The following TOP6BL variants were observed in gnomAD, a reference collection of about 807,000 sequenced individuals.
The protein encoded by TOP6BL is type 2 DNA topoisomerase 6 subunit B-like.
At chr11:66,770,290 G>C in the TOP6BL span, among the ~76,000 whole-genome samples, 3 of 152,166 alleles carry the variant, frequency 2.0e-5, no homozygotes, top group Non-Finnish European at 2.9e-5. Context: ...ATGGTCTCTT[G>C]TTATGGCGGC....
chr11:66,761,365 T>G, the TOP6BL span, among the ~76,000 whole-genome samples: 1 of 150,550 alleles, frequency 6.6e-6, no homozygotes, highest in Non-Finnish European at 1.5e-5. Flanking sequence ...AGCGAGAGAC[T>G]CCGTCTCAAA....
At chr11:66,796,076 C>T in the TOP6BL span, 7 of 495,806 alleles carry the variant, frequency 1.4e-5, no homozygotes, top group Non-Finnish European at 2.5e-5. Context: ...TCTGAAGTTC[C>T]GTGTAATAGA....
the TOP6BL span, among the ~76,000 whole-genome samples, chr11:66,795,057 C>G: frequency 6.6e-6 from 1 of 151,678 alleles, no homozygotes; most frequent in East Asian, 1.9e-4. Flanking sequence ...TCGCTTGAAC[C>G]CGGGAGGCAG....
At chr11:66,826,897 G>C in the TOP6BL span, among the ~76,000 whole-genome samples, 4 of 150,156 alleles carry the variant, frequency 2.7e-5, no homozygotes, top group African/African-American at 9.8e-5. Context: ...TGGTCAGGCT[G>C]GTCTCAAACT....
the TOP6BL span, chr11:66,839,319 A>C: frequency 1.2e-5 from 5 of 402,114 alleles, no homozygotes; most frequent in African/African-American, 8.3e-5. Context: ...ATTGAGGCCC[A>C]CAGATATCAA....
chr11:66,791,524 GAGAC>G, the TOP6BL span, among the ~76,000 whole-genome samples: 4 of 152,096 alleles, frequency 2.6e-5, no homozygotes, highest in South Asian at 2.1e-4. Flanking sequence ...GCAAGAGAGA[GAGAC>G]AGACTTTCTT....
the TOP6BL span, among the ~76,000 whole-genome samples, chr11:66,762,645 A>G: frequency 6.6e-6 from 1 of 151,912 alleles, no homozygotes; most frequent in Non-Finnish European, 1.5e-5. Context: ...TATTTTTTGC[A>G]TTTTTAGTAG....
chr11:66,831,984 G>A, the TOP6BL span, among the ~76,000 whole-genome samples: 2 of 107,536 alleles, frequency 1.9e-5, no homozygotes, highest in Non-Finnish European at 3.6e-5. Context: ...GCAACAGAGT[G>A]AGACTCTGTC....
chr11:66,819,017 T>TTAAGACTAG, the TOP6BL span, among the ~76,000 whole-genome samples: 1 of 152,328 alleles, frequency 6.6e-6, no homozygotes, highest in East Asian at 1.9e-4. Context: ...ATCTGGTAAT[T>TTAAGACTAG]TAAGACTAGC....
chr11:66,780,125 G>C, the TOP6BL span, among the ~76,000 whole-genome samples: 8 of 151,818 alleles, frequency 5.3e-5, no homozygotes, highest in African/African-American at 1.9e-4. Context: ...AAACCTGCAC[G>C]TTGTGCACAT....
the TOP6BL span, among the ~76,000 whole-genome samples, chr11:66,837,946 C>T: frequency 6.6e-6 from 1 of 152,134 alleles, no homozygotes; most frequent in African/African-American, 2.4e-5. Flanking sequence ...TTGACTTTCT[C>T]AGTCAAACTT....
chr11:66,751,799 TA>T, the TOP6BL span, among the ~76,000 whole-genome samples: 13 of 152,330 alleles, frequency 8.5e-5, no homozygotes, highest in South Asian at 1.2e-3. Flanking sequence ...ATCATGACCA[TA>T]AAATGCAGTT....
the TOP6BL span, chr11:66,822,555 G>A: frequency 2.6e-6 from 4 of 1,524,438 alleles, no homozygotes; most frequent in Non-Finnish European, 3.6e-6. Context: ...TACTTGTTAT[G>A]TTCCCCAGGC....
chr11:66,804,219 A>G, the TOP6BL span: 4 of 1,550,886 alleles, frequency 2.6e-6, no homozygotes, highest in Non-Finnish European at 3.5e-6. Context: ...GTTCCATCCA[A>G]TTATCTTTGA....
chr11:66,828,373 A>C, the TOP6BL span: 1 of 1,593,860 alleles, frequency 6.3e-7, no homozygotes, highest in Non-Finnish European at 8.6e-7. Flanking sequence ...AGGTAAGTGT[A>C]AATAATCAGT....
chr11:66,756,577 T>C, the TOP6BL span: 2 of 994,800 alleles, frequency 2.0e-6, no homozygotes, highest in African/African-American at 3.5e-5. Flanking sequence ...AATGCTTTTA[T>C]ATAAAAACGA....
At chr11:66,744,816 A>AC in the TOP6BL span, 1 of 946,530 alleles carries the variant, frequency 1.1e-6, no homozygotes, top group Non-Finnish European at 1.4e-6. Flanking sequence ...CGGGCTGAGG[A>AC]GGGGGCGGCG....
At chr11:66,763,510 A>G in the TOP6BL span, among the ~76,000 whole-genome samples, 9 of 152,218 alleles carry the variant, frequency 5.9e-5, no homozygotes, top group African/African-American at 1.7e-4. Flanking sequence ...AGGTCTCACT[A>G]TGTTGCCCAG....
the TOP6BL span, among the ~76,000 whole-genome samples, chr11:66,785,880 G>A: frequency 6.6e-6 from 1 of 152,154 alleles, no homozygotes; most frequent in South Asian, 2.1e-4. Flanking sequence ...CCTAGTCTAG[G>A]CCCAAATACT....
Sources: gnomAD v4.1 joint callset for allele counts (sites outside exome capture counted in the v4.1 genomes callset) on GRCh38, gnomAD v4.1.1 for gene constraint, MANE v1.5 for transcripts, NCBI Gene and HGNC (gene_info 2026-07-23, HGNC 2026-07-21) for gene names.